HEYL: variants seen among roughly 807,000 people sequenced by gnomAD.
HEYL encodes hairy/enhancer-of-split related with YRPW motif-like protein.
HEYL carries 12 observed loss-of-function variants against 18.6 expected under a neutral mutation model. The ratio of observed to expected loss-of-function variants is 0.65; its 90% confidence interval spans 0.41 to 1.05. HEYL has a LOEUF of 1.05. HEYL is among the 50% of genes least tolerant of loss of function. HEYL has a pLI of 0.00. For missense variants in HEYL, 420 were observed against 444.7 expected (o/e 0.94, Z 0.50); for synonymous variants, 159 against 179.6 (o/e 0.89, Z 0.91).
chr1:39,634,810 C>T (rs1168392013), intron 1 of HEYL, among the ~76,000 whole-genome samples: 1 of 152,224 alleles, frequency 6.6e-6, no homozygotes, highest in Non-Finnish European at 1.5e-5. Context: ...GGCCATGAAC[C>T]ATGTCTGTTA....
Position 39,628,311 on chromosome 1 carries a change from G to A in HEYL, c.314-1131C>T, listed in dbSNP as rs374091967. 8.5e-5 allele frequency among the ~76,000 whole-genome samples: 13 copies of A among 152,056 alleles called. No individual in the cohort carries two copies. In the South Asian group the frequency reaches 1.7e-3, roughly 19 times the overall value. ...TTTATTTTTTTTGAGATGGAGTCTC[G>A]CTCTGTCCCCCAGGCTGGAGTGCAG... On this transcript the variant is annotated intron_variant, in intron 4 of 4. Coordinates refer to ENST00000372852, the MANE Select transcript of HEYL (RefSeq NM_014571.4).
Position 39,639,527 on chromosome 1 carries a change from C to T in HEYL, c.80+19G>A. The T allele has an allele frequency of 6.4e-7, 1 of 1,569,440 alleles. No homozygotes were observed. The highest frequency in any genetic ancestry group is 8.6e-7 in the Non-Finnish European group (1 of 1,162,722). On this transcript the variant is annotated intron_variant, in intron 1 of 4. Coordinates refer to ENST00000372852, the MANE Select transcript of HEYL (RefSeq NM_014571.4). ...CCGCTCGCCCTCCGCCTGCTCGGTC[C>T]CCGCATCCCGGCCCTTACCTCAGCT...
At chr1:39,628,956 C>G (rs1646317665) in intron 4 of HEYL, among the ~76,000 whole-genome samples, 2 of 152,196 alleles carry the variant, frequency 1.3e-5, no homozygotes, top group South Asian at 4.1e-4. Context: ...ATCAAGTTAT[C>G]TAATTTAATC....
At chr1:39,632,228 T>G (rs1646337214) in intron 2 of HEYL, among the ~76,000 whole-genome samples, 1 of 152,128 alleles carries the variant, frequency 6.6e-6, no homozygotes, top group African/African-American at 2.4e-5. Context: ...GGGCTGAACA[T>G]GATGGACAGA....
At chr1:39,628,744 C>T (rs1235995715) in intron 4 of HEYL, among the ~76,000 whole-genome samples, 1 of 151,820 alleles carries the variant, frequency 6.6e-6, no homozygotes, top group Non-Finnish European at 1.5e-5. Context: ...ACTACAGGCG[C>T]CCACCACCAC....
In HEYL at chr1:39,623,576, C is replaced by G. The variant is rs1353711787; in HGVS notation, c.*2931G>C. Among the ~76,000 whole-genome samples the G allele has an allele frequency of 6.6e-6, 1 of 152,230 alleles. No homozygotes were observed. Among genetic ancestry groups the G allele is most frequent in the Non-Finnish European group, 1.5e-5 (1 of 68,038 alleles). ...TCGAGTGGGAGGCACAGTCAACCAA[C>G]AAGTAAATTACACAAATGGATATGC... is the stretch of plus-strand genomic sequence containing the variant. On this transcript the variant is annotated 3_prime_UTR_variant, in exon 5 of 5. Coordinates refer to ENST00000372852, the MANE Select transcript of HEYL (RefSeq NM_014571.4).
At position 39,630,338 on chromosome 1, in the gene HEYL, C is replaced by G. The variant is rs190328201; in HGVS notation, c.232-30G>C. ...GGGTACAGAAGACAGAAGGGTGGAG[C>G]CTGCAGCTGACCATGTAGCTGTGCG... On this transcript the variant is annotated intron_variant, in intron 3 of 4. Transcript: ENST00000372852. The G allele has an allele frequency of 8.6e-5, 135 of 1,565,176 alleles. 1 individual carries two copies. In the East Asian group the frequency reaches 2.6e-3, roughly 30 times the overall value.
chr1:39,630,196 A>G (rs1445054482), intron 4 of HEYL, 31 bp downstream of exon 4: 2 of 1,588,584 alleles, frequency 1.3e-6, no homozygotes, highest in African/African-American at 2.7e-5. Context: ...TTGTTGTATG[A>G]ATGACGCCTG....
At position 39,626,640 on chromosome 1, in the gene HEYL, C is replaced by A. The variant is rs768998658; in HGVS notation, c.854G>T (p.Gly285Val). The change falls in exon 5 of 5, where the codon GGT becomes GTT. Residue 285 changes from glycine (G) to valine (V), a missense_variant. Gly to Val is a moderately radical substitution (Grantham distance 109). Coordinates refer to ENST00000372852, the MANE Select transcript of HEYL (RefSeq NM_014571.4). ...CACGTAAGCAGCCGACCCTGTAGGA[C>A]CAGGGGGTGTTGGGGAGGAAGACTG... Reference protein sequence around the residue: ...LLQSSSPTPPGPTGSAAYVAV... With the variant: ...LLQSSSPTPPVPTGSAAYVAV... The A allele has an allele frequency of 3.1e-5, 48 of 1,538,964 alleles. No homozygotes were observed. Among genetic ancestry groups the A allele is most frequent in the Non-Finnish European group, 4.1e-5 (47 of 1,144,804 alleles).
At chr1:39,629,874 A>AG (rs905932662) in intron 4 of HEYL, among the ~76,000 whole-genome samples, 1 of 152,156 alleles carries the variant, frequency 6.6e-6, no homozygotes, top group Non-Finnish European at 1.5e-5. Context: ...CCCTGGGTTA[A>AG]GGGGGGTCAG....
At chr1:39,633,967 C>T (rs557088730) in intron 1 of HEYL, 1 of 152,462 alleles carries the variant, frequency 6.6e-6, no homozygotes, top group East Asian at 1.9e-4. Context: ...GCAAGAGCTT[C>T]TTGTTGGGTC....
intron 2 of HEYL, 98 bp downstream of exon 2, chr1:39,632,551 T>C (rs1029285939): frequency 4.1e-5 from 43 of 1,048,368 alleles, no homozygotes; most frequent in Non-Finnish European, 4.4e-5. Flanking sequence ...GTTAGCTTCA[T>C]GGTGAAATTT....
chr1:39,626,758 G>A lies in HEYL; in HGVS notation c.736C>T (p.Arg246Trp), dbSNP rs778733690. 20 of 1,535,222 alleles carry A rather than the reference G, an allele frequency of 1.3e-5. No homozygotes were observed. The highest frequency in any genetic ancestry group is 4.9e-5 in the East Asian group (2 of 41,166). Residue 246 changes from arginine (R) to tryptophan (W), a missense_variant, in exon 5 of 5, where the codon CGG (arginine) becomes TGG (tryptophan). Coordinates refer to ENST00000372852, the MANE Select transcript of HEYL (RefSeq NM_014571.4). Reference protein sequence around the residue: ...VLPSRGASSTRRARPLERPAT... With the variant: ...VLPSRGASSTWRARPLERPAT... ...GGCCTCTCTAGGGGGCGGGCCCTCC[G>A]GGTGGAAGATGCCCCTCGACTGGGC...
chr1:39,630,512 C>T (rs182143940), intron 3 of HEYL, among the ~76,000 whole-genome samples: 29 of 152,312 alleles, frequency 1.9e-4, no homozygotes, highest in Non-Finnish European at 3.4e-4. Flanking sequence ...GTACAGCTGC[C>T]GATCATCTTT....
chr1:39,639,490 C>A, intron 1 of HEYL, 56 bp downstream of exon 1: 1 of 1,450,634 alleles, frequency 6.9e-7, no homozygotes, highest in Non-Finnish European at 9.3e-7. Context: ...GCCCGTCGGG[C>A]CGACCCCCAC....
At chr1:39,639,417 G>A (rs1051004178) in intron 1 of HEYL, 129 bp downstream of exon 1, 20 of 639,756 alleles carry the variant, frequency 3.1e-5, no homozygotes, top group Non-Finnish European at 4.8e-5. Context: ...CGACACCTGT[G>A]GCCCCCGCGC....
chr1:39,627,425 TA>T (rs1346416893), intron 4 of HEYL, among the ~76,000 whole-genome samples: 1 of 152,248 alleles, frequency 6.6e-6, no homozygotes, highest in African/African-American at 2.4e-5. Context: ...TTATAAAATG[TA>T]AAATATTGCT....
rs780439421 is a variant in HEYL at position 39,632,639 on chromosome 1, G to A, written c.147+10C>T. 3 of 1,611,952 alleles carry A rather than the reference G, an allele frequency of 1.9e-6. No individual in the cohort carries two copies. The highest frequency in any genetic ancestry group is 2.2e-5 in the South Asian group (2 of 90,944). ...TGTTGGTCAACTCAGAGGCTGAGACGGACACTCACCCCTCTGTGTTTCTTC... is the reference window on the plus strand; with the variant it reads ...TGTTGGTCAACTCAGAGGCTGAGACAGACACTCACCCCTCTGTGTTTCTTC... On this transcript the variant is annotated intron_variant, in intron 2 of 4. Coordinates refer to ENST00000372852, the MANE Select transcript of HEYL (RefSeq NM_014571.4).
chr1:39,626,984 C>CA lies in HEYL; in HGVS notation c.509dup (p.Leu170PhefsTer13), dbSNP rs1318217912. On this transcript the variant is annotated frameshift_variant, in exon 5 of 5. Transcript: ENST00000372852. LOFTEE classifies it low-confidence loss of function (END_TRUNC). ...AAGACCAGGGCCAGGCAGGGAAGGC[C>CA]AAAGGGCCAGTGGGCGTGGGCGAAG... 2.5e-6 allele frequency: 4 copies of CA among 1,613,988 alleles called. No homozygotes were observed. The highest frequency in any genetic ancestry group is 2.5e-6 in the Non-Finnish European group (3 of 1,179,990).
Sources: gnomAD v4.1 joint callset for allele counts (sites outside exome capture counted in the v4.1 genomes callset) on GRCh38, gnomAD v4.1.1 for gene constraint, MANE v1.5 for transcripts, NCBI Gene and HGNC (gene_info 2026-07-23, HGNC 2026-07-21) for gene names.